MED12L: variants seen among roughly 807,000 people sequenced by gnomAD.
MED12L encodes mediator of RNA polymerase II transcription subunit 12-like protein.
A neutral mutation model predicts 281.3 loss-of-function variants in MED12L; 60 were observed. That is an observed-to-expected ratio of 0.21 (90% CI 0.17 to 0.26). The LOEUF (loss-of-function observed/expected upper bound fraction) is 0.26. Ranked by LOEUF, MED12L falls within the 10% of genes least tolerant of loss-of-function variation. The probability of loss-of-function intolerance (pLI) is 1.00; values close to 1 mark genes in which losing one functional copy is unlikely to be tolerated. For synonymous variants in MED12L, 974 were observed against 987.2 expected (o/e 0.99, Z 0.25); for missense variants, 2,146 against 2,680.9 (o/e 0.80, Z 4.41).
At chr3:151,376,294 T>C in intron 28 of MED12L, 80 bp downstream of exon 28, 4 of 1,132,520 alleles carry the variant, frequency 3.5e-6, no homozygotes, top group Non-Finnish European at 4.7e-6. Flanking sequence ...TCTCTTTTTT[T>C]GTCCTTGCTA....
chr3:151,166,995 T>C (rs1391647645), intron 11 of MED12L, among the ~76,000 whole-genome samples: 1 of 152,152 alleles, frequency 6.6e-6, no homozygotes, highest in East Asian at 1.9e-4. Flanking sequence ...CTTTTAAGAC[T>C]TTCTATGGGC....
At chr3:151,312,623 C>T (rs1328206582) in intron 16 of MED12L, among the ~76,000 whole-genome samples, 1 of 152,148 alleles carries the variant, frequency 6.6e-6, no homozygotes, top group Non-Finnish European at 1.5e-5. Context: ...GGCTACAGGG[C>T]AAAACCCTTT....
intron 16 of MED12L, among the ~76,000 whole-genome samples, chr3:151,195,496 T>C (rs1474725906): frequency 2.6e-5 from 4 of 152,216 alleles, no homozygotes; most frequent in Non-Finnish European, 5.9e-5. Context: ...CCAAAGTTTG[T>C]TCTTATCTAT....
chr3:151,429,109 G>A (rs1719175762), intron 43 of MED12L, among the ~76,000 whole-genome samples: 1 of 152,200 alleles, frequency 6.6e-6, no homozygotes, highest in Non-Finnish European at 1.5e-5. Context: ...ATCCCAGCGG[G>A]ACAAGAAGGG....
intron 16 of MED12L, among the ~76,000 whole-genome samples, chr3:151,298,521 C>T (rs1286727552): frequency 1.3e-5 from 2 of 152,186 alleles, no homozygotes; most frequent in Non-Finnish European, 2.9e-5. Context: ...TGACACAGAG[C>T]GATAATTGAG....
At chr3:151,208,711 G>C (rs1726723761) in intron 16 of MED12L, among the ~76,000 whole-genome samples, 2 of 152,016 alleles carry the variant, frequency 1.3e-5, no homozygotes, top group African/African-American at 4.8e-5. Context: ...AAGAATTTAA[G>C]TAATATGTAA....
At chr3:151,360,403 C>G in intron 20 of MED12L, 71 bp from the exon 21 acceptor site, 1 of 1,417,044 alleles carries the variant, frequency 7.1e-7, no homozygotes, top group Non-Finnish European at 9.7e-7. Flanking sequence ...TATTTTCATT[C>G]TAAAAGAGTC....
At position 151,408,782 on chromosome 3, in the gene MED12L, T is replaced by C. The variant is rs144736881; in HGVS notation, c.5821-461T>C. 1.9e-3 allele frequency among the ~76,000 whole-genome samples: 287 copies of C among 152,384 alleles called. 1 individual carries two copies. Among genetic ancestry groups the C allele is most frequent in the African/African-American group, 6.6e-3 (276 of 41,592 alleles). Reference sequence around the variant, plus strand: ...TAAATGTATTCCTTGAATATCTGGCTAAATAGGCAATTAGTAGGTCACTGT... The same window carrying C: ...TAAATGTATTCCTTGAATATCTGGCCAAATAGGCAATTAGTAGGTCACTGT... On this transcript the variant is annotated intron_variant, in intron 39 of 44. Coordinates refer to ENST00000687756, the MANE Select transcript of MED12L (RefSeq NM_001393769.1).
intron 16 of MED12L, among the ~76,000 whole-genome samples, chr3:151,296,499 C>G (rs556002088): frequency 6.6e-6 from 1 of 152,282 alleles, no homozygotes; most frequent in South Asian, 2.1e-4. Context: ...GTTTCTCTGA[C>G]AAAGGACTTT....
At chr3:151,232,532 C>G (rs1290252409) in intron 16 of MED12L, among the ~76,000 whole-genome samples, 2 of 152,116 alleles carry the variant, frequency 1.3e-5, no homozygotes, top group East Asian at 1.9e-4. Context: ...GACATGGAAT[C>G]AACTTAAATG....
chr3:151,305,294 T>C (rs1404183560), intron 16 of MED12L, among the ~76,000 whole-genome samples: 1 of 152,204 alleles, frequency 6.6e-6, no homozygotes, highest in Non-Finnish European at 1.5e-5. Context: ...AAGAATGTGA[T>C]GTTTGTGGTA....
At chr3:151,364,029 C>G (rs1754968515) in intron 21 of MED12L, among the ~76,000 whole-genome samples, 1 of 152,072 alleles carries the variant, frequency 6.6e-6, no homozygotes, top group African/African-American at 2.4e-5. Flanking sequence ...TAGGTCACCA[C>G]AAACCACAAA....
intron 26 of MED12L, among the ~76,000 whole-genome samples, chr3:151,370,457 T>C (rs1444445517): frequency 6.6e-6 from 1 of 152,142 alleles, no homozygotes; most frequent in Non-Finnish European, 1.5e-5. Context: ...GATAACAGAA[T>C]TTTCATAAAA....
chr3:151,295,446 C>A (rs1172088625), intron 16 of MED12L, among the ~76,000 whole-genome samples: 1 of 152,182 alleles, frequency 6.6e-6, no homozygotes, highest in Non-Finnish European at 1.5e-5. Context: ...AGTCCCATTT[C>A]TGATCCCCTT....
chr3:151,208,718 G>A (rs1726725353), intron 16 of MED12L, among the ~76,000 whole-genome samples: 1 of 152,034 alleles, frequency 6.6e-6, no homozygotes, highest in South Asian at 2.1e-4. Context: ...TAAGTAATAT[G>A]TAATATTGTA....
At chr3:151,319,867 G>A (rs1011079130) in intron 16 of MED12L, among the ~76,000 whole-genome samples, 7 of 152,114 alleles carry the variant, frequency 4.6e-5, no homozygotes, top group Non-Finnish European at 8.8e-5. Flanking sequence ...GAGGATTCCC[G>A]TAATCTTACT....
chr3:151,218,138 G>A (rs1460197921), intron 16 of MED12L, among the ~76,000 whole-genome samples: 2 of 151,826 alleles, frequency 1.3e-5, no homozygotes, highest in Admixed American at 6.5e-5. Flanking sequence ...GAAGGAAATC[G>A]TTTTATTCTC....
chr3:151,109,341 G>A (rs1209518356), intron 2 of MED12L, among the ~76,000 whole-genome samples: 2 of 152,194 alleles, frequency 1.3e-5, no homozygotes, highest in Admixed American at 1.3e-4. Context: ...ACCGCACTGG[G>A]CCGAAGGTCT....
chr3:151,183,494 C>G (rs1336636481), intron 11 of MED12L, among the ~76,000 whole-genome samples: 2 of 152,196 alleles, frequency 1.3e-5, no homozygotes, highest in Non-Finnish European at 2.9e-5. Flanking sequence ...TGCTGATCTT[C>G]AGAGTGTCGT....
Sources: gnomAD v4.1 joint callset for allele counts (sites outside exome capture counted in the v4.1 genomes callset) on GRCh38, gnomAD v4.1.1 for gene constraint, MANE v1.5 for transcripts, NCBI Gene and HGNC (gene_info 2026-07-23, HGNC 2026-07-21) for gene names.